The following TPRKB variants were observed in gnomAD, a reference collection of about 807,000 sequenced individuals.
TPRKB encodes TP53RK binding protein, also known as EKC/KEOPS complex subunit TPRKB.
TPRKB carries 11 observed loss-of-function variants against 17.8 expected under a neutral mutation model. The ratio of observed to expected loss-of-function variants is 0.62; its 90% CI spans 0.39 to 1.02. TPRKB has a LOEUF of 1.02. Among genes scored for constraint, TPRKB ranks in the 50% least tolerant of loss-of-function variants. The pLI is 0.00. For synonymous variants in TPRKB, 71 were observed against 69.5 expected (o/e 1.02, Z -0.11); for missense variants, 228 against 198.0 (o/e 1.15, Z -0.91).
At chr2:73,731,952 C>T (rs1364274656) in intron 3 of TPRKB, 7 of 454,584 alleles carry the variant, frequency 1.5e-5, no homozygotes, top group Admixed American at 3.9e-5. Flanking sequence ...AAATTAACCT[C>T]GCTTAATTTA....
rs1212812436 is a variant in TPRKB at position 73,736,526 on chromosome 2, TACTC to T, written c.-23+772_-23+775del. On this transcript the variant is annotated intron_variant, in intron 1 of 4. Transcript: ENST00000272424. The stretch of plus-strand genomic sequence containing the variant: ...TAGTTTGTTCTTGTTTAGCGTAATT[TACTC>T]ACTCAGGTCAGAAACTTGGAATCAT... 2.0e-5 allele frequency among the ~76,000 whole-genome samples: 3 copies of T among 152,334 alleles called. No homozygotes were observed. The East Asian group carries it at 5.8e-4, about 29-fold the overall frequency.
intron 3 of TPRKB, 103 bp downstream of exon 3, chr2:73,732,060 T>G (rs532523770): frequency 9.1e-6 from 12 of 1,312,982 alleles, no homozygotes; most frequent in Non-Finnish European, 1.3e-5. Context: ...TATTTGGGTT[T>G]ATTACTAACC....
chr2:73,731,432 A>G (rs1671605356), intron 3 of TPRKB, among the ~76,000 whole-genome samples: 1 of 152,214 alleles, frequency 6.6e-6, no homozygotes, highest in Non-Finnish European at 1.5e-5. Context: ...GGAAACCATA[A>G]TTAGTAAATT....
Position 73,730,042 on chromosome 2 carries a change from A to C in TPRKB, c.442-13T>G. 1 of 1,547,392 alleles carries C rather than the reference A, an allele frequency of 6.5e-7. No individual in the cohort carries two copies. Among genetic ancestry groups the C allele is most frequent in the South Asian group, 1.2e-5 (1 of 82,644 alleles). On this transcript the variant is annotated splice_polypyrimidine_tract_variant and intron_variant, in intron 4 of 4. Coordinates refer to ENST00000272424, the MANE Select transcript of TPRKB (RefSeq NM_016058.5). ...AGAGTTTATATATCTGTAAAAATGA[A>C]AGACAAATTATGACTTGCTGATATC...
Position 73,730,752 on chromosome 2 carries a change from T to C in TPRKB, c.265-16A>G. The C allele has an allele frequency of 6.8e-7, 1 of 1,472,068 alleles. No individual in the cohort carries two copies. The allele number at this position is 1,472,068 out of a possible 1,614,324, so 91.2% of individuals were successfully genotyped here. On this transcript the variant is annotated splice_polypyrimidine_tract_variant and intron_variant, in intron 3 of 4. Coordinates refer to ENST00000272424, the MANE Select transcript of TPRKB (RefSeq NM_016058.5). ...CCTCTGAAATCTAAGAGAAAAAAAATGAAAAAAAAAACACAAGATCATTAA... is the reference window on the plus strand; with the variant it reads ...CCTCTGAAATCTAAGAGAAAAAAAACGAAAAAAAAAACACAAGATCATTAA...
Position 73,734,446 on chromosome 2 carries a change from G to A in TPRKB, c.124C>T (p.Leu42=). The change falls in exon 2 of 5, where the codon CTG becomes TTG. Residue 42 remains leucine (L), a synonymous_variant. Transcript: ENST00000272424. ...KAMEGTIDGS[L]INPTVIVDPF... The stretch of plus-strand genomic sequence containing the variant: ...ATATTTACCACTGTAGGATTTATCA[G>A]TGATCCATCGATGGTGCCTTCCATG... The A allele has an allele frequency of 1.2e-6, 2 of 1,612,864 alleles. No individual in the cohort carries two copies. The highest frequency in any genetic ancestry group is 1.7e-6 in the Non-Finnish European group (2 of 1,179,666).
chr2:73,734,169 G>A (rs1312589353), intron 2 of TPRKB, among the ~76,000 whole-genome samples: 2 of 151,686 alleles, frequency 1.3e-5, no homozygotes, highest in East Asian at 1.9e-4. Context: ...CGCAATCTTG[G>A]CTCACTGCAA....
At chr2:73,735,261 G>C (rs1230332194) in intron 1 of TPRKB, among the ~76,000 whole-genome samples, 1 of 152,020 alleles carries the variant, frequency 6.6e-6, no homozygotes, top group African/African-American at 2.4e-5. Context: ...GAACCTGGGA[G>C]GCAGAGGTTG....
chr2:73,733,894 T>C (rs1162063249), intron 2 of TPRKB, among the ~76,000 whole-genome samples: 1 of 147,292 alleles, frequency 6.8e-6, no homozygotes, highest in African/African-American at 2.6e-5. Flanking sequence ...CTCGGCTCAC[T>C]GCAACCTCTG....
At chr2:73,732,470 G>C in intron 2 of TPRKB, 185 bp from the exon 3 acceptor site, 1 of 613,236 alleles carries the variant, frequency 1.6e-6, no homozygotes. Flanking sequence ...CTAGCACTTT[G>C]GGAGGCCAAG....
chr2:73,733,511 G>A (rs1052379154), intron 2 of TPRKB, among the ~76,000 whole-genome samples: 4 of 151,954 alleles, frequency 2.6e-5, no homozygotes, highest in Admixed American at 2.6e-4. Context: ...CACCCACCTT[G>A]GCCTCTGTGT....
At chr2:73,730,447 G>T in intron 4 of TPRKB, 113 bp downstream of exon 4, 3 of 691,960 alleles carry the variant, frequency 4.3e-6, no homozygotes, top group Admixed American at 3.8e-5. Context: ...TTTAAAATTA[G>T]ATTAACTTTC....
chr2:73,735,989 T>C (rs1413407536), intron 1 of TPRKB, among the ~76,000 whole-genome samples: 2 of 152,134 alleles, frequency 1.3e-5, no homozygotes, highest in Admixed American at 6.5e-5. Flanking sequence ...AAAACGGCAA[T>C]AAATAACATT....
rs996672742 is a variant in TPRKB, at chr2:73,734,529, C to G, written c.41G>C (p.Arg14Thr). The change falls in exon 2 of 5, where the codon AGG becomes ACG. Residue 14 changes from arginine to threonine, a missense_variant. Coordinates refer to ENST00000272424, the MANE Select transcript of TPRKB (RefSeq NM_016058.5). ...ATCTTTAAATAACAGAAGGGTTACC[C>G]TGCATTCGGGAAATAGGTCCAGCTG... The part of the protein sequence containing the change: ...THQLDLFPEC[R>T]VTLLLFKDVK... 5.0e-6 allele frequency: 8 copies of G among 1,613,886 alleles called. No individual in the cohort carries two copies. Among genetic ancestry groups the G allele is most frequent in the East Asian group, 2.2e-5 (1 of 44,880 alleles).
rs921240981 is a variant in TPRKB, at chr2:73,735,327, C to T, written c.-22-736G>A. The stretch of plus-strand genomic sequence containing the variant: ...AGCCTGGGCAACAAGAGTGAAACTC[C>T]GTCTCAAAAAAAAAAAAGAATAGGG... On this transcript the variant is annotated intron_variant, in intron 1 of 4. Coordinates refer to ENST00000272424, the MANE Select transcript of TPRKB (RefSeq NM_016058.5). Among the ~76,000 whole-genome samples, 41 of 111,054 alleles carry T rather than the reference C, an allele frequency of 3.7e-4. 1 individual carries two copies. The highest frequency in any genetic ancestry group is 1.1e-3 in the African/African-American group (39 of 35,142). The allele number at this position is 111,054 out of a possible 152,430, so 72.9% of individuals were successfully genotyped here. A position where few individuals can be genotyped will look rare whatever the true frequency, so the allele number is the denominator to read the frequency against.
At position 73,730,046 on chromosome 2, in the gene TPRKB, C is replaced by G. The variant is rs1464884714; in HGVS notation, c.442-17G>C. 1 of 1,541,632 alleles carries G rather than the reference C, an allele frequency of 6.5e-7. No homozygotes were observed. The highest frequency in any genetic ancestry group is 2.0e-5 in the Admixed American group (1 of 48,886). Reference sequence around the variant, plus strand: ...TTTATATATCTGTAAAAATGAAAGACAAATTATGACTTGCTGATATCGTCA... The same window carrying G: ...TTTATATATCTGTAAAAATGAAAGAGAAATTATGACTTGCTGATATCGTCA... On this transcript the variant is annotated splice_polypyrimidine_tract_variant and intron_variant, in intron 4 of 4. Transcript: ENST00000272424.
At chr2:73,733,963 A>G (rs754053540) in intron 2 of TPRKB, among the ~76,000 whole-genome samples, 6 of 151,172 alleles carry the variant, frequency 4.0e-5, no homozygotes, top group Non-Finnish European at 7.4e-5. Context: ...GCCCACCACC[A>G]TGCTCAGCTA....
rs550773832 is a variant in TPRKB, at chr2:73,732,343, C to G, written c.142-58G>C. The G allele has an allele frequency of 2.2e-5, 34 of 1,556,774 alleles. No homozygotes were observed. The South Asian group carries it at 3.6e-4, about 16-fold the overall frequency. ...ATGGAGAATCTGCAGTGCCTGAAAACACATGGTAACTCATGGTTAACTCCA... is the reference window on the plus strand; with the variant it reads ...ATGGAGAATCTGCAGTGCCTGAAAAGACATGGTAACTCATGGTTAACTCCA... On this transcript the variant is annotated intron_variant, in intron 2 of 4. Coordinates refer to ENST00000272424, the MANE Select transcript of TPRKB (RefSeq NM_016058.5).
chr2:73,730,834 C>CTTAT, intron 3 of TPRKB, 98 bp from the exon 4 acceptor site: 1 of 882,396 alleles, frequency 1.1e-6, no homozygotes, highest in East Asian at 3.0e-5. Flanking sequence ...TGGTCAGGCT[C>CTTAT]TTATTTTTCA....
Sources: gnomAD v4.1 joint callset for allele counts (sites outside exome capture counted in the v4.1 genomes callset) on GRCh38, gnomAD v4.1.1 for gene constraint, MANE v1.5 for transcripts, NCBI Gene and HGNC (gene_info 2026-07-23, HGNC 2026-07-21) for gene names.